The following GLCE variants were observed in gnomAD, a reference collection of about 807,000 sequenced individuals.
GLCE encodes D-glucuronyl C5-epimerase.
Under a neutral mutation model 47.9 loss-of-function variants are expected in GLCE, and 19 were observed. The observed-to-expected ratio is 0.40, with a 90% confidence interval of 0.28 to 0.58. The LOEUF (loss-of-function observed/expected upper bound fraction) is 0.58, where lower values mean the gene tolerates loss of function less well. GLCE is among the 20% of genes least tolerant of loss of function. The pLI is 0.48. For synonymous variants in GLCE, 245 were observed against 263.4 expected, an observed-to-expected ratio of 0.93 and a Z score of 0.68; for missense variants, 556 against 743.3, an observed-to-expected ratio of 0.75 and a Z score of 2.93.
In GLCE at chr15:69,255,781, C is replaced by A; in HGVS notation, c.-13-13C>A. Reference sequence around the variant, plus strand: ...ACATCTTTGCATGATTTTTTTTCTTCTTGCCTCCATAGGTATGGTCTGAAT... The same window carrying A: ...ACATCTTTGCATGATTTTTTTTCTTATTGCCTCCATAGGTATGGTCTGAAT... On this transcript the variant is annotated splice_polypyrimidine_tract_variant and intron_variant, in intron 2 of 4. Transcript: ENST00000261858. 1 of 1,430,716 alleles carries A rather than the reference C, an allele frequency of 7.0e-7. No homozygotes were observed. 88.6% of individuals were successfully genotyped at this position (1,430,716 alleles called of 1,614,324 possible). A position where few individuals can be genotyped will look rare whatever the true frequency, so the allele number is the denominator to read the frequency against.
intron 1 of GLCE, among the ~76,000 whole-genome samples, chr15:69,178,817 T>C (rs1222816688): frequency 6.6e-6 from 1 of 152,134 alleles, no homozygotes; most frequent in Non-Finnish European, 1.5e-5. Flanking sequence ...TTATCTTTGC[T>C]CTTTATAGTA....
intron 2 of GLCE, among the ~76,000 whole-genome samples, chr15:69,226,490 C>T (rs1337402714): frequency 2.0e-5 from 3 of 152,060 alleles, no homozygotes; most frequent in East Asian, 3.8e-4. Context: ...TAAAATGTAG[C>T]GTTTTTACTT....
intron 2 of GLCE, among the ~76,000 whole-genome samples, chr15:69,216,610 T>C (rs2052310801): frequency 6.6e-6 from 1 of 152,092 alleles, no homozygotes; most frequent in Non-Finnish European, 1.5e-5. Flanking sequence ...GGGGATGCCA[T>C]GTTATTTAAT....
intron 1 of GLCE, among the ~76,000 whole-genome samples, chr15:69,189,979 C>T (rs995146909): frequency 6.6e-6 from 1 of 152,110 alleles, no homozygotes; most frequent in African/African-American, 2.4e-5. Context: ...ATCCCACTCT[C>T]CACCCTCCAG....
intron 2 of GLCE, among the ~76,000 whole-genome samples, chr15:69,239,089 C>T (rs574737959): frequency 1.3e-5 from 2 of 152,204 alleles, no homozygotes; most frequent in East Asian, 1.9e-4. Flanking sequence ...TAATAGAACC[C>T]GGTTTTTTCC....
intron 2 of GLCE, among the ~76,000 whole-genome samples, chr15:69,221,382 C>G (rs28787715): frequency 0.13 from 20,287 of 152,022 alleles, 1,434 homozygotes; most frequent in African/African-American, 0.17. Context: ...CATGAACATG[C>G]GATATGTTTC....
Position 69,269,362 on chromosome 15 carries a change from A to G in GLCE, c.*118A>G. ...GTACTAGGTTTTTGTGGATTCTATC[A>G]AAGTGATAAGTGATCCTTAAAACCA... On this transcript the variant is annotated 3_prime_UTR_variant, in exon 5 of 5. Transcript: ENST00000261858. 2.5e-6 allele frequency: 2 copies of G among 786,098 alleles called. No individual in the cohort carries two copies. The highest frequency in any genetic ancestry group is 4.1e-6 in the Non-Finnish European group (2 of 485,950). 48.7% of individuals were successfully genotyped at this position (786,098 alleles called of 1,614,324 possible). A position where few individuals can be genotyped will look rare whatever the true frequency, so the allele number is the denominator to read the frequency against.
intron 2 of GLCE, among the ~76,000 whole-genome samples, chr15:69,246,169 T>G (rs2052747238): frequency 6.6e-6 from 1 of 152,220 alleles, no homozygotes; most frequent in Admixed American, 6.5e-5. Flanking sequence ...TCTTGCTGTT[T>G]TCACCACATC....
At chr15:69,194,827 A>G (rs901174816) in intron 1 of GLCE, among the ~76,000 whole-genome samples, 10 of 152,080 alleles carry the variant, frequency 6.6e-5, no homozygotes, top group Non-Finnish European at 1.3e-4. Context: ...AGAGTAGCAT[A>G]TTTGTACCAT....
intron 2 of GLCE, among the ~76,000 whole-genome samples, chr15:69,212,208 T>C (rs1367045666): frequency 6.6e-6 from 1 of 151,926 alleles, no homozygotes; most frequent in Non-Finnish European, 1.5e-5. Context: ...AAATAATCAA[T>C]TTCTTACGAA....
At chr15:69,263,972 C>T (rs2053048928) in intron 4 of GLCE, among the ~76,000 whole-genome samples, 1 of 152,120 alleles carries the variant, frequency 6.6e-6, no homozygotes, top group Non-Finnish European at 1.5e-5. Context: ...TTAGTTAACA[C>T]ATCCATCACC....
At chr15:69,202,209 G>C (rs922566627) in intron 1 of GLCE, among the ~76,000 whole-genome samples, 2 of 151,760 alleles carry the variant, frequency 1.3e-5, no homozygotes, top group African/African-American at 4.8e-5. Flanking sequence ...CATGAACCAC[G>C]GTTCCCAGCC....
intron 2 of GLCE, among the ~76,000 whole-genome samples, chr15:69,232,963 C>T (rs2052545422): frequency 6.6e-6 from 1 of 152,078 alleles, no homozygotes; most frequent in African/African-American, 2.4e-5. Context: ...GGAGGAGCAG[C>T]AGACAGTAGG....
intron 2 of GLCE, among the ~76,000 whole-genome samples, chr15:69,242,891 A>G (rs1380540285): frequency 3.3e-5 from 5 of 151,542 alleles, no homozygotes; most frequent in African/African-American, 1.2e-4. Flanking sequence ...ACTAAAAATA[A>G]AAATAAAAAA....
At chr15:69,200,577 G>C (rs2052064125) in intron 1 of GLCE, among the ~76,000 whole-genome samples, 1 of 152,100 alleles carries the variant, frequency 6.6e-6, no homozygotes, top group South Asian at 2.1e-4. Context: ...GACAGATGTA[G>C]GGAATATGAA....
chr15:69,199,081 G>A (rs2052039140), intron 1 of GLCE, among the ~76,000 whole-genome samples: 1 of 152,146 alleles, frequency 6.6e-6, no homozygotes, highest in African/African-American at 2.4e-5. Context: ...GGCTGGTCAA[G>A]GGTAAGAATT....
intron 1 of GLCE, among the ~76,000 whole-genome samples, chr15:69,162,795 G>C (rs2051444875): frequency 2.0e-5 from 3 of 152,120 alleles, no homozygotes; most frequent in Admixed American, 1.3e-4. Context: ...CTGTTGCCCA[G>C]TCTGGTCTTG....
chr15:69,256,684 T>TTAAA (rs1356213750), intron 3 of GLCE, among the ~76,000 whole-genome samples: 2 of 152,160 alleles, frequency 1.3e-5, no homozygotes, highest in Non-Finnish European at 2.9e-5. Context: ...GAAGTTTGCG[T>TTAAA]TAAAATATAT....
At chr15:69,215,815 G>C (rs2052299359) in intron 2 of GLCE, among the ~76,000 whole-genome samples, 1 of 152,036 alleles carries the variant, frequency 6.6e-6, no homozygotes, top group South Asian at 2.1e-4. Flanking sequence ...GTGGCATCTT[G>C]TGTTTTTCTA....
Sources: allele counts gnomAD v4.1 joint callset (sites outside exome capture counted in the v4.1 genomes callset), GRCh38; gene constraint gnomAD v4.1.1; transcripts MANE v1.5; gene names NCBI Gene and HGNC (gene_info 2026-07-23, HGNC 2026-07-21).